Variants in AFF3 observed in about 807,000 individuals in gnomAD.
AFF3 encodes the protein AF4/FMR2 family member 3.
A neutral mutation model predicts 129.7 loss-of-function variants in AFF3; 32 were observed. That is an observed-to-expected ratio of 0.25 (90% CI 0.19 to 0.33). The LOEUF (loss-of-function observed/expected upper bound fraction) is 0.33, where lower values mean the gene tolerates loss of function less well. Ranked by LOEUF, AFF3 falls within the 10% of genes least tolerant of loss-of-function variation. The pLI, the probability that AFF3 is intolerant of heterozygous loss-of-function variation, is 1.00. For missense variants in AFF3, 1,373 were observed against 1,592.0 expected (o/e 0.86, Z 2.34); for synonymous variants, 644 against 635.4 (o/e 1.01, Z -0.20).
At chr2:99,990,216 G>A (rs1680218315) in intron 7 of AFF3, among the ~76,000 whole-genome samples, 1 of 152,128 alleles carries the variant, frequency 6.6e-6, no homozygotes, top group Non-Finnish European at 1.5e-5. Flanking sequence ...CTACTTAATT[G>A]AATATAATGC....
chr2:99,936,545 G>A (rs754688376), intron 7 of AFF3, among the ~76,000 whole-genome samples: 8 of 152,318 alleles, frequency 5.3e-5, no homozygotes, highest in South Asian at 2.1e-4. Context: ...GTTTGAGGCT[G>A]TGTACTTACA....
chr2:99,863,469 T>G (rs1369819811), intron 7 of AFF3, among the ~76,000 whole-genome samples: 2 of 152,156 alleles, frequency 1.3e-5, no homozygotes, highest in Non-Finnish European at 2.9e-5. Flanking sequence ...CAACCCTAAC[T>G]CTTCAGCCAC....
chr2:100,061,158 C>T (rs1687239246), intron 4 of AFF3, among the ~76,000 whole-genome samples: 1 of 152,136 alleles, frequency 6.6e-6, no homozygotes. Flanking sequence ...CCAGGTTTCT[C>T]CACCTCTAAG....
chr2:100,117,175 T>A (rs1691766151), intron 2 of AFF3, among the ~76,000 whole-genome samples: 2 of 152,192 alleles, frequency 1.3e-5, no homozygotes, highest in Non-Finnish European at 2.9e-5. Flanking sequence ...GATAGCTTCA[T>A]CAGTTTGGGA....
At position 99,594,092 on chromosome 2, in the gene AFF3, G is replaced by C; in HGVS notation, c.1569C>G (p.Ile523Met). 6.2e-7 allele frequency: 1 copy of C among 1,614,038 alleles called. No individual in the cohort carries two copies. Among genetic ancestry groups the C allele is most frequent in the South Asian group, 1.1e-5 (1 of 91,060 alleles). The change falls in exon 15 of 25, where the codon ATC becomes ATG. Residue 523 changes from isoleucine to methionine, a missense_variant. By Grantham distance (10) the Ile-to-Met change is conservative. Transcript: ENST00000672756. ...VCQPSLREKE[I>M]KSTCKEEQRP... ...TTTGCTCCTCCTTGCAAGTGCTCTT[G>C]ATCTCCTTCTCTCTCAGGCTGGGCT...
At chr2:100,107,548 C>T in intron 2 of AFF3, 1 of 975,356 alleles carries the variant, frequency 1.0e-6, no homozygotes, top group Non-Finnish European at 1.2e-6. Context: ...TCCTATAGTG[C>T]TTGTGACCTG....
intron 4 of AFF3, chr2:100,011,656 G>A: frequency 9.2e-6 from 7 of 760,122 alleles, no homozygotes; most frequent in Non-Finnish European, 1.7e-5. Context: ...GAGTCTGTCA[G>A]CATATTTTCC....
At chr2:99,578,694 T>C (rs3792126) in intron 17 of AFF3, among the ~76,000 whole-genome samples, 30,852 of 152,160 alleles carry the variant, frequency 0.2, 3,503 homozygotes, top group East Asian at 0.36. Flanking sequence ...TCATGACGCC[T>C]ACTCTCACAG....
chr2:99,971,269 TGCC>T, intron 7 of AFF3, among the ~76,000 whole-genome samples: 1 of 152,208 alleles, frequency 6.6e-6, no homozygotes, highest in East Asian at 1.9e-4. Flanking sequence ...CAGGACTTGC[TGCC>T]TGCAATAGTT....
At chr2:99,723,040 A>G (rs1255897420) in intron 11 of AFF3, among the ~76,000 whole-genome samples, 1 of 152,210 alleles carries the variant, frequency 6.6e-6, no homozygotes, top group Non-Finnish European at 1.5e-5. Context: ...TTTTTTTAAC[A>G]AAAGTATTTT....
intron 7 of AFF3, among the ~76,000 whole-genome samples, chr2:99,868,432 C>T (rs1388714189): frequency 1.3e-5 from 2 of 152,080 alleles, no homozygotes; most frequent in East Asian, 1.9e-4. Flanking sequence ...GCAGGCCAGG[C>T]GAGCGAGTGT....
chr2:99,749,975 C>T (rs561112937), intron 9 of AFF3, among the ~76,000 whole-genome samples: 3 of 152,214 alleles, frequency 2.0e-5, no homozygotes, highest in African/African-American at 7.2e-5. Flanking sequence ...ACTTACTGAC[C>T]ATTGAAAAGA....
At chr2:99,678,441 C>A (rs190858819) in intron 11 of AFF3, among the ~76,000 whole-genome samples, 2 of 152,162 alleles carry the variant, frequency 1.3e-5, no homozygotes, top group Admixed American at 6.5e-5. Context: ...CAAACGGGCA[C>A]GTTAACTACC....
At chr2:99,636,510 A>G (rs1450603245) in intron 13 of AFF3, among the ~76,000 whole-genome samples, 2 of 152,218 alleles carry the variant, frequency 1.3e-5, no homozygotes, top group African/African-American at 4.8e-5. Flanking sequence ...GCCTCTCGGG[A>G]TGAGAGCGGC....
At chr2:99,685,964 G>A (rs922952171) in intron 11 of AFF3, among the ~76,000 whole-genome samples, 2 of 151,956 alleles carry the variant, frequency 1.3e-5, no homozygotes, top group African/African-American at 4.8e-5. Flanking sequence ...GGAGGCGGGC[G>A]GATCATGAGG....
chr2:100,095,859 C>A lies in AFF3; in HGVS notation c.53+8543G>T, dbSNP rs192759346. Among the ~76,000 whole-genome samples the A allele has an allele frequency of 2.0e-3, 298 of 152,270 alleles. 5 individuals carry two copies. The highest frequency in any genetic ancestry group is 6.9e-3 in the African/African-American group (288 of 41,554). On this transcript the variant is annotated intron_variant, in intron 4 of 24. Transcript: ENST00000672756. ...ACATGGAAACTGCAGCTAAGTTTGG[C>A]CACCTAATGGACTCAGGGTACTCCG...
At chr2:100,055,462 T>TAAAAAAAAAAAA (rs55713850) in intron 4 of AFF3, among the ~76,000 whole-genome samples, 1 of 128,496 alleles carries the variant, frequency 7.8e-6, no homozygotes, top group African/African-American at 3.0e-5. Context: ...CTAGAAATCT[T>TAAAAAAAAAAAA]AAAAAAAAAA....
At chr2:99,851,330 TAA>T (rs933714722) in intron 7 of AFF3, among the ~76,000 whole-genome samples, 3 of 152,252 alleles carry the variant, frequency 2.0e-5, no homozygotes, top group African/African-American at 7.2e-5. Flanking sequence ...TAGTAATAAT[TAA>T]ACTCTAGCTG....
Position 99,813,917 on chromosome 2 carries a change from T to G in AFF3, c.921+23560A>C, listed in dbSNP as rs79634791. Among the ~76,000 whole-genome samples the G allele has an allele frequency of 5.5e-4, 84 of 152,336 alleles. 1 individual carries two copies. In the East Asian group the frequency reaches 0.015, roughly 28 times the overall value. On this transcript the variant is annotated intron_variant, in intron 8 of 24. Coordinates refer to ENST00000672756, the MANE Select transcript of AFF3 (RefSeq NM_001386135.1). Reference sequence around the variant, plus strand: ...ACCAAGTTGAGTACTACTGAGCAAGTTGTTCTAATGAAACCCATTCTGTCT... The same window carrying G: ...ACCAAGTTGAGTACTACTGAGCAAGGTGTTCTAATGAAACCCATTCTGTCT...
Sources: allele counts gnomAD v4.1 joint callset (sites outside exome capture counted in the v4.1 genomes callset), GRCh38; gene constraint gnomAD v4.1.1; transcripts MANE v1.5; gene names NCBI Gene and HGNC (gene_info 2026-07-23, HGNC 2026-07-21).